Variants in THAP7 observed in about 807,000 individuals in gnomAD.
The protein encoded by THAP7 is THAP domain-containing protein 7.
A neutral mutation model predicts 29.2 loss-of-function variants in THAP7; 22 were observed. The ratio of observed to expected loss-of-function variants is 0.75; its 90% CI spans 0.54 to 1.08. THAP7 has a LOEUF of 1.08. THAP7 is among the 50% of genes least tolerant of loss of function. THAP7 has a pLI of 0.00. For synonymous variants in THAP7, 208 were observed against 173.4 expected, an observed-to-expected ratio of 1.20 and a Z score of -1.57; for missense variants, 448 against 416.2, an observed-to-expected ratio of 1.08 and a Z score of -0.66.
chr22:21,001,203 G>A, intron 2 of THAP7, 53 bp downstream of exon 2: 1 of 1,600,986 alleles, frequency 6.2e-7, no homozygotes, highest in East Asian at 2.2e-5. Context: ...AGCTGTCCCA[G>A]TCCGCCGGGA....
chr22:21,001,238 G>C lies in THAP7; in HGVS notation c.236+18C>G, dbSNP rs762243824. 7.5e-6 allele frequency: 12 copies of C among 1,607,778 alleles called. No homozygotes were observed. On this transcript the variant is annotated intron_variant, in intron 2 of 3. Coordinates refer to ENST00000215742, the MANE Select transcript of THAP7 (RefSeq NM_030573.3). ...AGCCCCACATCCTACCCCAGCGTCG[G>C]CCGGCAGGGAGGCCCACCTGATTCC...
chr22:21,001,479 C>T, intron 1 of THAP7, 68 bp from the exon 2 acceptor site: 2 of 1,557,424 alleles, frequency 1.3e-6, no homozygotes, highest in East Asian at 2.3e-5. Flanking sequence ...CCAAGCACCC[C>T]AGAGGGGAAA....
chr22:21,001,126 G>A, intron 2 of THAP7, 130 bp downstream of exon 2: 4 of 1,370,112 alleles, frequency 2.9e-6, no homozygotes, highest in Non-Finnish European at 3.0e-6. Context: ...GGGTTTCACT[G>A]TGCAGAGCTG....
At position 21,000,677 on chromosome 22, in the gene THAP7, T is replaced by G; in HGVS notation, c.347A>C (p.Glu116Ala). Residue 116 changes from glutamate (E) to alanine (A), a missense_variant, in exon 3 of 4, where the codon GAA becomes GCA. Coordinates refer to ENST00000215742, the MANE Select transcript of THAP7 (RefSeq NM_030573.3). ...KGHSYPPGPA[E>A]VSRLRRCRKR... The stretch of plus-strand genomic sequence containing the variant: ...CCTGCATCGTCTGAGCCGGCTGACT[T>G]CAGCGGGGCCAGGTGGGTAACTGTG... 6.2e-7 allele frequency: 1 copy of G among 1,614,136 alleles called. No homozygotes were observed. The highest frequency in any genetic ancestry group is 8.5e-7 in the Non-Finnish European group (1 of 1,180,018).
At chr22:21,001,550 G>A (rs1601728194) in intron 1 of THAP7, 139 bp from the exon 2 acceptor site, 3 of 1,325,010 alleles carry the variant, frequency 2.3e-6, no homozygotes, top group East Asian at 2.4e-5. Flanking sequence ...AAGCACCACC[G>A]CCCGGGCACA....
Position 21,000,034 on chromosome 22 carries a change from T to G in THAP7, c.776A>C (p.Gln259Pro). 1 of 1,612,950 alleles carries G rather than the reference T, an allele frequency of 6.2e-7. No individual in the cohort carries two copies. The highest frequency in any genetic ancestry group is 8.5e-7 in the Non-Finnish European group (1 of 1,179,944). The change falls in exon 4 of 4, where the codon CAG becomes CCG. Residue 259 changes from glutamine to proline, a missense_variant. Gln to Pro is a moderately conservative substitution (Grantham distance 76). Coordinates refer to ENST00000215742, the MANE Select transcript of THAP7 (RefSeq NM_030573.3). ...DALDKAQRQL[Q>P]ACKRREQRLR... ...CCGCTGCTCCCGCCGCTTGCAGGCCTGCAGCTGGCGCTGGGCCTTGTCAAG... is the reference window on the plus strand; with the variant it reads ...CCGCTGCTCCCGCCGCTTGCAGGCCGGCAGCTGGCGCTGGGCCTTGTCAAG...
Position 21,001,343 on chromosome 22 carries a change from C to T in THAP7, c.149G>A (p.Gly50Asp). ...GGATGCCGGGTCCCACAGGCCCTGG[C>T]CGCTGGGGTCCAGCCGCTGGCAGTT... The part of the protein sequence containing the change: ...LANCQRLDPS[G>D]QGLWDPASEY... Residue 50 changes from glycine (G) to aspartate (D), a missense_variant, in exon 2 of 4, where the codon GGC becomes GAC. By Grantham distance (94) the Gly-to-Asp change is moderately conservative (BLOSUM62 -1). Transcript: ENST00000215742. 6.2e-7 allele frequency: 1 copy of T among 1,613,870 alleles called. No homozygotes were observed. The highest frequency in any genetic ancestry group is 2.2e-5 in the East Asian group (1 of 44,874).
In THAP7 at chr22:21,000,813, G is replaced by T. The variant is rs777521718; in HGVS notation, c.237-26C>A. The T allele has an allele frequency of 3.1e-6, 5 of 1,613,176 alleles. No homozygotes were observed. The South Asian group carries it at 5.5e-5, about 18-fold the overall frequency. The stretch of plus-strand genomic sequence containing the variant: ...CTGCGGGGAAAAGCAACCCAGATGA[G>T]CTGGAGAGCAAGTGCTGCCTCCCCA... On this transcript the variant is annotated intron_variant, in intron 2 of 3. Transcript: ENST00000215742.
intron 3 of THAP7, 44 bp downstream of exon 3, chr22:21,000,603 A>C (rs1370263041): frequency 1.9e-6 from 3 of 1,612,290 alleles, no homozygotes; most frequent in South Asian, 2.2e-5. Flanking sequence ...CCAGTCCCTC[A>C]GCCTAGGGGT....
chr22:21,001,357 C>A lies in THAP7; in HGVS notation c.135G>T (p.Arg45=). 1 of 1,613,622 alleles carries A rather than the reference C, an allele frequency of 6.2e-7. No individual in the cohort carries two copies. Among genetic ancestry groups the A allele is most frequent in the Non-Finnish European group, 8.5e-7 (1 of 1,179,996 alleles). The change falls in exon 2 of 4, where the codon CGG becomes CGT. Residue 45 remains arginine, a synonymous_variant. Coordinates refer to ENST00000215742, the MANE Select transcript of THAP7 (RefSeq NM_030573.3). ...RRGLWLANCQ[R]LDPSGQGLWD... ...ACAGGCCCTGGCCGCTGGGGTCCAGCCGCTGGCAGTTGGCCAGCCACAAGC... is the reference window on the plus strand; with the variant it reads ...ACAGGCCCTGGCCGCTGGGGTCCAGACGCTGGCAGTTGGCCAGCCACAAGC...
chr22:20,999,833 G>T lies in THAP7; in HGVS notation c.*47C>A. On this transcript the variant is annotated 3_prime_UTR_variant, in exon 4 of 4. Coordinates refer to ENST00000215742, the MANE Select transcript of THAP7 (RefSeq NM_030573.3). ...GGTCTGGTGGGATCTGAGGGAGGAA[G>T]AGGCTGCAGTCTTGCTGGGCAGCCC... 6.4e-7 allele frequency: 1 copy of T among 1,552,390 alleles called. No individual in the cohort carries two copies. The highest frequency in any genetic ancestry group is 1.2e-5 in the South Asian group (1 of 83,856).
chr22:21,001,109 T>C, intron 2 of THAP7, 147 bp downstream of exon 2: 3 of 1,197,026 alleles, frequency 2.5e-6, no homozygotes, highest in East Asian at 2.4e-5. Context: ...ACAGTGATCC[T>C]GGGGGTGGGT....
intron 2 of THAP7, 45 bp downstream of exon 2, chr22:21,001,211 G>A (rs373016124): frequency 2.0e-4 from 325 of 1,603,732 alleles, no homozygotes; most frequent in Non-Finnish European, 2.5e-4. Flanking sequence ...CAGTCCGCCG[G>A]GAGCCCCACA....
Position 20,999,888 on chromosome 22 carries a change from T to C in THAP7, c.922A>G (p.Met308Val), listed in dbSNP as rs1170953505. 2.5e-6 allele frequency: 4 copies of C among 1,605,838 alleles called. No homozygotes were observed. Among genetic ancestry groups the C allele is most frequent in the Admixed American group, 3.3e-5 (2 of 59,940 alleles). The change falls in exon 4 of 4, where the codon ATG (methionine) becomes GTG (valine). Residue 308 changes from methionine to valine, a missense_variant. Coordinates refer to ENST00000215742, the MANE Select transcript of THAP7 (RefSeq NM_030573.3). ...QDFAMQLSSSMA is the reference protein window; with the variant it reads ...QDFAMQLSSSVA ...GTCAGTCCAGCAGCCCCTCAGGCCATGCTGCTGCTCAGCTGCATGGCAAAG... is the reference window on the plus strand; with the variant it reads ...GTCAGTCCAGCAGCCCCTCAGGCCACGCTGCTGCTCAGCTGCATGGCAAAG...
rs1925132175 is a variant in THAP7, at chr22:21,000,992, G to C, written c.237-205C>G. 2.8e-5 allele frequency: 25 copies of C among 893,074 alleles called. No individual in the cohort carries two copies. In the South Asian group the frequency reaches 4.4e-4, roughly 16 times the overall value. The allele number at this position is 893,074 out of a possible 1,614,324, so 55.3% of individuals were successfully genotyped here. A position where few individuals can be genotyped will look rare whatever the true frequency, so the allele number is the denominator to read the frequency against. On this transcript the variant is annotated intron_variant, in intron 2 of 3. Transcript: ENST00000215742. ...TGGAAAGCCTGCATAAGCCGAGCTG[G>C]GCTGACCAGCCAGAAAGAATTCTTT... is the stretch of plus-strand genomic sequence containing the variant.
rs371544505 is a variant in THAP7, at chr22:21,000,045, C to T, written c.765G>A (p.Gln255=). The part of the protein sequence containing the change: ...EAALDALDKA[Q]RQLQACKRRE... ...GCCGCTTGCAGGCCTGCAGCTGGCGCTGGGCCTTGTCAAGGGCATCAAGGG... is the reference window on the plus strand; with the variant it reads ...GCCGCTTGCAGGCCTGCAGCTGGCGTTGGGCCTTGTCAAGGGCATCAAGGG... The change falls in exon 4 of 4, where the codon CAG becomes CAA. Residue 255 remains glutamine, a synonymous_variant. Coordinates refer to ENST00000215742, the MANE Select transcript of THAP7 (RefSeq NM_030573.3). 3 of 1,612,862 alleles carry T rather than the reference C, an allele frequency of 1.9e-6. No homozygotes were observed. In the African/African-American group the frequency reaches 4.0e-5, roughly 22 times the overall value.
In THAP7 at chr22:21,000,444, G is replaced by GAA. The variant is rs1569160354; in HGVS notation, c.378-14_378-13dup. On this transcript the variant is annotated splice_polypyrimidine_tract_variant and intron_variant, in intron 3 of 3. Transcript: ENST00000215742. ...GGCCCTCGGAGCAGCTGGTAAGGGG[G>GAA]AAGAGAGAGACTGATGGGCTAGGCT... 6.5e-7 allele frequency: 1 copy of GAA among 1,546,640 alleles called. No individual in the cohort carries two copies. Among genetic ancestry groups the GAA allele is most frequent in the East Asian group, 2.4e-5 (1 of 41,306 alleles).
In THAP7 at chr22:20,999,835, G is replaced by T. The variant is rs913620594; in HGVS notation, c.*45C>A. On this transcript the variant is annotated 3_prime_UTR_variant, in exon 4 of 4. Transcript: ENST00000215742. ...TCTGGTGGGATCTGAGGGAGGAAGA[G>T]GCTGCAGTCTTGCTGGGCAGCCCCT... The T allele has an allele frequency of 6.4e-7, 1 of 1,557,128 alleles. No homozygotes were observed. Among genetic ancestry groups the T allele is most frequent in the Admixed American group, 1.8e-5 (1 of 55,926 alleles).
chr22:20,999,640 T>A lies in THAP7; in HGVS notation c.*240A>T. ...CCTGTCTACCAGTAGCTCTGAGGGG[T>A]GAGAGCCAGGCTCCCTGTTCTCCTT... On this transcript the variant is annotated 3_prime_UTR_variant, in exon 4 of 4. Coordinates refer to ENST00000215742, the MANE Select transcript of THAP7 (RefSeq NM_030573.3). 1 of 558,740 alleles carries A rather than the reference T, an allele frequency of 1.8e-6. No individual in the cohort carries two copies. 34.6% of individuals were successfully genotyped at this position (558,740 alleles called of 1,614,324 possible).
Sources: gnomAD v4.1 joint callset for allele counts on GRCh38, gnomAD v4.1.1 for gene constraint, MANE v1.5 for transcripts, NCBI Gene and HGNC (gene_info 2026-07-23, HGNC 2026-07-21) for gene names.